Variants in SORCS3 observed in about 807,000 individuals in gnomAD.
SORCS3 encodes VPS10 domain-containing receptor SorCS3.
SORCS3 carries 57 observed loss-of-function variants against 146.3 expected under a neutral mutation model. The observed-to-expected ratio is 0.39, with a 90% CI of 0.31 to 0.49. SORCS3 has a LOEUF of 0.49. SORCS3 is among the 20% of genes least tolerant of loss of function. The pLI is 0.92. For synonymous variants in SORCS3, 653 were observed against 618.5 expected (o/e 1.06, Z -0.83); for missense variants, 1,341 against 1,575.5 (o/e 0.85, Z 2.52).
intron 6 of SORCS3, among the ~76,000 whole-genome samples, chr10:105,093,008 T>C (rs191329473): frequency 2.6e-5 from 4 of 152,332 alleles, no homozygotes; most frequent in South Asian, 2.1e-4. Flanking sequence ...ACAATTCATA[T>C]AGACTGCAAA....
chr10:104,930,525 G>A (rs367736972), intron 3 of SORCS3, among the ~76,000 whole-genome samples: 2 of 152,162 alleles, frequency 1.3e-5, no homozygotes, highest in African/African-American at 4.8e-5. Flanking sequence ...ATTCCCTGCC[G>A]AGAGAAGAAG....
At chr10:105,231,002 A>C (rs1355609844) in intron 20 of SORCS3, among the ~76,000 whole-genome samples, 1 of 152,116 alleles carries the variant, frequency 6.6e-6, no homozygotes, top group Non-Finnish European at 1.5e-5. Context: ...CATGGTGAGG[A>C]TGTGGACTTC....
At chr10:104,714,271 CTTCT>C (rs1390952714) in intron 1 of SORCS3, among the ~76,000 whole-genome samples, 1 of 151,630 alleles carries the variant, frequency 6.6e-6, no homozygotes, top group Non-Finnish European at 1.5e-5. Context: ...TCAAATTTTT[CTTCT>C]TTCTTTTTTT....
intron 1 of SORCS3, 140 bp from the exon 2 acceptor site, chr10:104,842,652 C>A: frequency 1.7e-6 from 1 of 603,624 alleles, no homozygotes; most frequent in Non-Finnish European, 2.9e-6. Flanking sequence ...CCTATAATAC[C>A]CCGCAACTCA....
At chr10:105,025,394 G>A (rs1489427537) in intron 4 of SORCS3, among the ~76,000 whole-genome samples, 3 of 152,118 alleles carry the variant, frequency 2.0e-5, no homozygotes, top group Non-Finnish European at 4.4e-5. Context: ...CATTTACGGT[G>A]GCTATGGGCT....
At chr10:105,260,482 TG>T (rs1202734763) in intron 25 of SORCS3, among the ~76,000 whole-genome samples, 3 of 152,244 alleles carry the variant, frequency 2.0e-5, no homozygotes, top group Non-Finnish European at 2.9e-5. Context: ...CTGTTCACTT[TG>T]GGTTCTTGTA....
chr10:104,931,370 G>T (rs996447060), intron 3 of SORCS3, among the ~76,000 whole-genome samples: 1 of 152,182 alleles, frequency 6.6e-6, no homozygotes, highest in Non-Finnish European at 1.5e-5. Context: ...TCTTATCTTT[G>T]TTCAGTAAAC....
chr10:105,113,198 C>T (rs1184121766), intron 7 of SORCS3, among the ~76,000 whole-genome samples: 10 of 152,182 alleles, frequency 6.6e-5, no homozygotes, highest in Non-Finnish European at 1.5e-4. Context: ...CTGTTGGCTG[C>T]ATTGGTCAAA....
At chr10:105,027,319 C>T (rs2055237865) in intron 4 of SORCS3, among the ~76,000 whole-genome samples, 2 of 152,128 alleles carry the variant, frequency 1.3e-5, no homozygotes, top group South Asian at 4.1e-4. Context: ...TTAATTCTTC[C>T]ACATTGTGTT....
chr10:105,232,460 T>C (rs922617149), intron 20 of SORCS3, among the ~76,000 whole-genome samples: 2 of 152,218 alleles, frequency 1.3e-5, no homozygotes, highest in East Asian at 1.9e-4. Flanking sequence ...CAGAGGCTTA[T>C]TAACTTTATT....
At chr10:105,054,675 C>T (rs955189693) in intron 5 of SORCS3, among the ~76,000 whole-genome samples, 7 of 151,698 alleles carry the variant, frequency 4.6e-5, no homozygotes, top group African/African-American at 1.7e-4. Flanking sequence ...ATAAGATAAA[C>T]TCTGGTCAGA....
At chr10:104,765,590 A>C (rs982513495) in intron 1 of SORCS3, among the ~76,000 whole-genome samples, 2 of 152,202 alleles carry the variant, frequency 1.3e-5, no homozygotes, top group African/African-American at 4.8e-5. Context: ...CTTTGTCAAC[A>C]AGGCTGACAT....
chr10:105,010,614 C>A (rs775634359), intron 4 of SORCS3, among the ~76,000 whole-genome samples: 3 of 152,190 alleles, frequency 2.0e-5, no homozygotes, highest in Non-Finnish European at 4.4e-5. Flanking sequence ...TGAGAGATTG[C>A]ACTGTAATAG....
intron 5 of SORCS3, among the ~76,000 whole-genome samples, chr10:105,067,523 T>A (rs1018504197): frequency 1.3e-5 from 2 of 152,200 alleles, no homozygotes; most frequent in African/African-American, 4.8e-5. Context: ...TGAGACTCCG[T>A]CTCAAATAAA....
chr10:105,024,978 T>C (rs2055217640), intron 4 of SORCS3, among the ~76,000 whole-genome samples: 1 of 152,200 alleles, frequency 6.6e-6, no homozygotes, highest in Non-Finnish European at 1.5e-5. Context: ...TAGTGAGTTC[T>C]TTTTGAAAAT....
At chr10:105,148,263 AG>A (rs2056146004) in intron 9 of SORCS3, among the ~76,000 whole-genome samples, 3 of 152,102 alleles carry the variant, frequency 2.0e-5, no homozygotes, top group African/African-American at 7.2e-5. Context: ...GGTGGGAATG[AG>A]AGTTTTTCTA....
chr10:105,042,270 T>G (rs754536067), intron 4 of SORCS3, among the ~76,000 whole-genome samples: 1 of 152,230 alleles, frequency 6.6e-6, no homozygotes, highest in Non-Finnish European at 1.5e-5. Context: ...CTGGGCAGAT[T>G]GCAGAATGCT....
chr10:104,874,789 C>G (rs928093006), intron 2 of SORCS3, among the ~76,000 whole-genome samples: 1 of 152,136 alleles, frequency 6.6e-6, no homozygotes, highest in African/African-American at 2.4e-5. Context: ...TCTTCTGCAT[C>G]ACATCCTGGG....
chr10:104,991,503 C>CTTT (rs1159374839), intron 4 of SORCS3, among the ~76,000 whole-genome samples: 1 of 139,182 alleles, frequency 7.2e-6, no homozygotes, highest in Non-Finnish European at 1.6e-5. Context: ...CCTCTTCTTC[C>CTTT]TTTTTTTTTT....
Sources: allele counts gnomAD v4.1 joint callset (sites outside exome capture counted in the v4.1 genomes callset), GRCh38; gene constraint gnomAD v4.1.1; transcripts MANE v1.5; gene names NCBI Gene and HGNC (gene_info 2026-07-23, HGNC 2026-07-21).